The following GPATCH8 variants were observed in gnomAD, a reference collection of about 807,000 sequenced individuals.
The protein encoded by GPATCH8 is G patch domain-containing protein 8.
In GPATCH8, 18 loss-of-function variants were observed where a neutral mutation model predicts 118.3. The observed-to-expected ratio is 0.15, with a 90% CI of 0.11 to 0.23. The LOEUF (loss-of-function observed/expected upper bound fraction) is 0.23. GPATCH8 is among the 10% of genes least tolerant of loss of function. The probability of loss-of-function intolerance (pLI) is 1.00; values close to 1 mark genes in which losing one functional copy is unlikely to be tolerated. For synonymous variants in GPATCH8, 659 were observed against 684.7 expected (o/e 0.96, Z 0.59); for missense variants, 1,631 against 1,873.8 (o/e 0.87, Z 2.39).
chr17:44,485,887 T>C (rs898163679), intron 1 of GPATCH8, among the ~76,000 whole-genome samples: 2 of 152,152 alleles, frequency 1.3e-5, no homozygotes, highest in Admixed American at 6.6e-5. Context: ...TCTAGTACAC[T>C]AGTGAATATT....
At chr17:44,404,776 G>A (rs755351894) in intron 7 of GPATCH8, among the ~76,000 whole-genome samples, 4 of 152,060 alleles carry the variant, frequency 2.6e-5, no homozygotes, top group African/African-American at 4.8e-5. Context: ...TAAGGAACTG[G>A]AGGACTAATT....
intron 6 of GPATCH8, among the ~76,000 whole-genome samples, chr17:44,406,272 T>C (rs2049217849): frequency 6.6e-6 from 1 of 152,222 alleles, no homozygotes; most frequent in Non-Finnish European, 1.5e-5. Flanking sequence ...TATCATTTGC[T>C]TTATTAGGCA....
chr17:44,485,648 G>C (rs1004093032), intron 1 of GPATCH8, among the ~76,000 whole-genome samples: 7 of 152,058 alleles, frequency 4.6e-5, no homozygotes, highest in Admixed American at 1.3e-4. Flanking sequence ...CAATGAGAGT[G>C]TCCCCACACT....
At chr17:44,472,218 A>T (rs1967338378) in intron 2 of GPATCH8, among the ~76,000 whole-genome samples, 1 of 152,178 alleles carries the variant, frequency 6.6e-6, no homozygotes, top group Non-Finnish European at 1.5e-5. Context: ...AGTACTATAT[A>T]CTATTTGCTA....
rs575806095 is a variant in GPATCH8, at chr17:44,474,774, C to T, written c.120+55G>A. The T allele has an allele frequency of 1.4e-4, 126 of 868,974 alleles. No individual in the cohort carries two copies. In the African/African-American group the frequency reaches 1.9e-3, roughly 13 times the overall value. The allele number at this position is 868,974 out of a possible 1,614,324, so 53.8% of individuals were successfully genotyped here. A position where few individuals can be genotyped will look rare whatever the true frequency, so the allele number is the denominator to read the frequency against. ...AACTTCACTCACATCAAGTGTCACA[C>T]GAACACTACCTAACTAACTAGCTAA... On this transcript the variant is annotated intron_variant, in intron 2 of 7. Transcript: ENST00000591680.
chr17:44,425,450 A>G (rs1045514727), intron 5 of GPATCH8, among the ~76,000 whole-genome samples: 16 of 152,236 alleles, frequency 1.1e-4, no homozygotes, highest in Non-Finnish European at 1.9e-4. Context: ...ATTAAAACTG[A>G]AAAGTGAGTA....
chr17:44,495,091 T>C (rs1173587076), intron 1 of GPATCH8, among the ~76,000 whole-genome samples: 7 of 152,198 alleles, frequency 4.6e-5, no homozygotes, highest in South Asian at 2.1e-4. Context: ...TCCCAGCACA[T>C]TGGGAGGCCA....
In GPATCH8 at chr17:44,400,883, G is replaced by C. The variant is rs146911569; in HGVS notation, c.1194C>G (p.Pro398=). The C allele has an allele frequency of 1.1e-4, 184 of 1,613,886 alleles. No homozygotes were observed. In the African/African-American group the frequency reaches 2.0e-3, roughly 17 times the overall value. Residue 398 remains proline, a synonymous_variant, in exon 8 of 8, where the codon CCC becomes CCG. Transcript: ENST00000591680. ...ATEPEYYHYI[P]PAHCKVKPNF... ...TAGGTTTTACTTTGCAGTGTGCTGG[G>C]GGGATGTAGTGGTAATACTCAGGCT...
intron 6 of GPATCH8, among the ~76,000 whole-genome samples, chr17:44,410,579 A>C (rs2049393816): frequency 6.6e-6 from 1 of 152,226 alleles, no homozygotes; most frequent in Non-Finnish European, 1.5e-5. Context: ...TTATTGAACC[A>C]CTAATGGTAT....
rs760296741 is a variant in GPATCH8, at chr17:44,396,942, A to G, written c.*626T>C. The G allele has an allele frequency of 9.5e-5, 43 of 453,966 alleles. 1 individual carries two copies. The highest frequency in any genetic ancestry group is 4.3e-4 in the South Asian group (28 of 64,478). The allele number at this position is 453,966 out of a possible 1,614,324, so 28.1% of individuals were successfully genotyped here. ...CTCTTCTGGGATGAGGGATACCAAG[A>G]TAACAGTGCCAAATGTGTGGCTCCG... On this transcript the variant is annotated 3_prime_UTR_variant, in exon 8 of 8. Coordinates refer to ENST00000591680, the MANE Select transcript of GPATCH8 (RefSeq NM_001002909.4).
intron 5 of GPATCH8, among the ~76,000 whole-genome samples, chr17:44,428,648 TA>T (rs2050177356): frequency 6.7e-6 from 1 of 149,404 alleles, no homozygotes; most frequent in African/African-American, 2.5e-5. Flanking sequence ...ACAAAAAATA[TA>T]AAAATTAGCT....
At chr17:44,421,110 C>T (rs1254324260) in intron 6 of GPATCH8, among the ~76,000 whole-genome samples, 1 of 152,086 alleles carries the variant, frequency 6.6e-6, no homozygotes, top group Admixed American at 6.5e-5. Flanking sequence ...CCTTGGCCTT[C>T]CAAAGTGCTG....
chr17:44,483,029 G>A (rs1439701820), intron 1 of GPATCH8, among the ~76,000 whole-genome samples: 1 of 147,082 alleles, frequency 6.8e-6, no homozygotes, highest in Non-Finnish European at 1.5e-5. Flanking sequence ...GGTGGCTGGT[G>A]CCTGTAGTCC....
Position 44,401,427 on chromosome 17 carries a change from T to A in GPATCH8, c.650A>T (p.Lys217Ile). 1 of 1,612,672 alleles carries A rather than the reference T, an allele frequency of 6.2e-7. No homozygotes were observed. The highest frequency in any genetic ancestry group is 8.5e-7 in the Non-Finnish European group (1 of 1,178,612). The change falls in exon 8 of 8, where the codon AAA becomes ATA. Residue 217 changes from lysine (K) to isoleucine (I), a missense_variant. Transcript: ENST00000591680. ...TTCATCTACAGCCACTGTGGTTGGT[T>A]TGAACATGGGACCACTTCCAGGTGC... ...ECAPGSGPMF[K>I]PTTVAVDEEG...
chr17:44,421,098 C>T (rs1465245089), intron 6 of GPATCH8, among the ~76,000 whole-genome samples: 1 of 152,070 alleles, frequency 6.6e-6, no homozygotes. Context: ...CTGATCTGCC[C>T]GCCTTGGCCT....
At chr17:44,495,915 T>C (rs989158627) in intron 1 of GPATCH8, among the ~76,000 whole-genome samples, 8 of 152,222 alleles carry the variant, frequency 5.3e-5, no homozygotes, top group African/African-American at 1.9e-4. Flanking sequence ...TTACCCAGGC[T>C]GGAGTGCAAT....
At chr17:44,419,151 G>A (rs2143843438) in intron 6 of GPATCH8, among the ~76,000 whole-genome samples, 2 of 152,296 alleles carry the variant, frequency 1.3e-5, no homozygotes, top group Middle Eastern at 6.8e-3. Context: ...GGTATGTTTA[G>A]GATCCTGCCT....
chr17:44,446,390 C>G (rs2050882708), intron 3 of GPATCH8, among the ~76,000 whole-genome samples: 2 of 152,096 alleles, frequency 1.3e-5, no homozygotes, highest in African/African-American at 4.8e-5. Flanking sequence ...CACGGCGAAA[C>G]CCAGTCTCTA....
chr17:44,435,300 C>G lies in GPATCH8; in HGVS notation c.262-149G>C, dbSNP rs1291672732. ...TACTGCTTGCTTTATTGTCACCTCA[C>G]AGAGAAAATCACATGCAAAATAGTT... On this transcript the variant is annotated intron_variant, in intron 4 of 7. Coordinates refer to ENST00000591680, the MANE Select transcript of GPATCH8 (RefSeq NM_001002909.4). 11 of 640,328 alleles carry G rather than the reference C, an allele frequency of 1.7e-5. No homozygotes were observed. In the Middle Eastern group the frequency reaches 8.8e-4, roughly 51 times the overall value. 39.7% of individuals were successfully genotyped at this position (640,328 alleles called of 1,614,324 possible).
Sources: gnomAD v4.1 joint callset for allele counts (sites outside exome capture counted in the v4.1 genomes callset) on GRCh38, gnomAD v4.1.1 for gene constraint, MANE v1.5 for transcripts, NCBI Gene and HGNC (gene_info 2026-07-23, HGNC 2026-07-21) for gene names.